GIPR: variants seen among roughly 807,000 people sequenced by gnomAD.
GIPR encodes the protein gastric inhibitory polypeptide receptor.
A neutral mutation model predicts 62.2 loss-of-function variants in GIPR; 74 were observed. That is an observed-to-expected ratio of 1.19 (90% CI 0.99 to 1.44). The LOEUF is 1.44. GIPR is among the 40% of genes most tolerant of loss of function. GIPR has a pLI of 0.00. For missense variants in GIPR, 664 were observed against 611.8 expected (o/e 1.09, Z -0.90); for synonymous variants, 256 against 262.2 (o/e 0.98, Z 0.23).
At position 45,670,621 on chromosome 19, in the gene GIPR, C is replaced by T; in HGVS notation, c.73-14C>T. ...GGTCGGTCTGGGGGGGTCCTCCCTT[C>T]TTTCTTTTCCTAGACAGGCTCTAAG... On this transcript the variant is annotated splice_polypyrimidine_tract_variant and intron_variant, in intron 2 of 13. Transcript: ENST00000590918. 1 of 1,601,842 alleles carries T rather than the reference C, an allele frequency of 6.2e-7. No homozygotes were observed. The highest frequency in any genetic ancestry group is 8.5e-7 in the Non-Finnish European group (1 of 1,170,180).
At position 45,672,834 on chromosome 19, in the gene GIPR, CTCT is replaced by C. The variant is rs777052988; in HGVS notation, c.281-12_281-10del. ...CTTTCTCTGTGTGCCTTAATTCCCT[CTCT>C]TCTTTCCCCACAGTGGCTGCAGGTT... On this transcript the variant is annotated splice_polypyrimidine_tract_variant and intron_variant, in intron 4 of 13. Coordinates refer to ENST00000590918, the MANE Select transcript of GIPR (RefSeq NM_000164.4). 69 of 1,524,384 alleles carry C rather than the reference CTCT, an allele frequency of 4.5e-5. 1 individual carries two copies. The African/African-American group carries it at 9.1e-4, about 20-fold the overall frequency. The allele number at this position is 1,524,384 out of a possible 1,614,324, so 94.4% of individuals were successfully genotyped here.
chr19:45,676,909 C>G (rs532845851), intron 7 of GIPR, 40 bp from the exon 8 acceptor site: 2 of 1,597,296 alleles, frequency 1.3e-6, no homozygotes, highest in East Asian at 4.5e-5. Context: ...GACACCCGGG[C>G]AGCGCTGACT....
Position 45,677,322 on chromosome 19 carries a change from G to C in GIPR, c.794-1G>C, listed in dbSNP as rs1966993489. ...GGGGGGCGGGGTCGGGGTCTGCACA[G>C]GGGCCCCCGCGCTTTTCGTCATTCC... On this transcript the variant is annotated splice_acceptor_variant, in intron 8 of 13. Coordinates refer to ENST00000590918, the MANE Select transcript of GIPR (RefSeq NM_000164.4). LOFTEE classifies it high-confidence loss of function. 3 of 1,580,440 alleles carry C rather than the reference G, an allele frequency of 1.9e-6. No individual in the cohort carries two copies. The East Asian group carries it at 6.8e-5, about 36-fold the overall frequency.
intron 9 of GIPR, 56 bp from the exon 10 acceptor site, chr19:45,677,654 G>T: frequency 7.4e-7 from 1 of 1,359,962 alleles, no homozygotes; most frequent in Admixed American, 1.7e-5. Context: ...AAATGAGCTT[G>T]GTGATCGGTG....
intron 7 of GIPR, 129 bp downstream of exon 7, chr19:45,674,955 A>T: frequency 8.6e-5 from 72 of 835,524 alleles, no homozygotes; most frequent in East Asian, 1.5e-4. Flanking sequence ...CCCTCTCCAA[A>T]TGTGTCTTGG....
rs761754866 is a variant in GIPR at position 45,677,894 on chromosome 19, C to G, written c.925-12C>G. The stretch of plus-strand genomic sequence containing the variant: ...GGATCGCGGCTGGCTCAGCCCTTAT[C>G]TCTCCCCACAGATTAATTTCCTCAT... On this transcript the variant is annotated splice_polypyrimidine_tract_variant and intron_variant, in intron 10 of 13. Coordinates refer to ENST00000590918, the MANE Select transcript of GIPR (RefSeq NM_000164.4). 44 of 1,612,822 alleles carry G rather than the reference C, an allele frequency of 2.7e-5. No homozygotes were observed. The highest frequency in any genetic ancestry group is 3.4e-5 in the Non-Finnish European group (40 of 1,178,938).
At chr19:45,673,218 G>A (rs1223686949) in intron 5 of GIPR, among the ~76,000 whole-genome samples, 3 of 152,104 alleles carry the variant, frequency 2.0e-5, no homozygotes, top group East Asian at 1.9e-4. Context: ...TCAGGAGTTT[G>A]AGACCAGCCT....
Position 45,681,940 on chromosome 19 carries a change from C to A in GIPR, c.*5C>A. The A allele has an allele frequency of 6.4e-7, 1 of 1,555,150 alleles. No individual in the cohort carries two copies. The highest frequency in any genetic ancestry group is 8.7e-7 in the Non-Finnish European group (1 of 1,147,878). On this transcript the variant is annotated 3_prime_UTR_variant, in exon 14 of 14. Transcript: ENST00000590918. ...GAGTTGGAAAGTTACTGCTAGGGGGCGGGATCCCCGTGTCTGTTCAGTTAG... is the reference window on the plus strand; with the variant it reads ...GAGTTGGAAAGTTACTGCTAGGGGGAGGGATCCCCGTGTCTGTTCAGTTAG...
chr19:45,678,203 G>A lies in GIPR; in HGVS notation c.1129G>A (p.Glu377Lys), dbSNP rs1250456462. ...CCTGCGCTTCGCCAAGCTCGGCTTT[G>A]AGATCTTCCTCAGCTCCTTCCAGGT... is the stretch of plus-strand genomic sequence containing the variant. The part of the protein sequence containing the change: ...GALRFAKLGF[E>K]IFLSSFQGFL... Residue 377 changes from glutamate (E) to lysine (K), a missense_variant, in exon 12 of 14, where the codon GAG becomes AAG. Coordinates refer to ENST00000590918, the MANE Select transcript of GIPR (RefSeq NM_000164.4). The A allele has an allele frequency of 5.1e-6, 8 of 1,577,582 alleles. No individual in the cohort carries two copies. The South Asian group carries it at 9.2e-5, about 18-fold the overall frequency.
chr19:45,672,179 A>AT (rs1041310813), intron 4 of GIPR, among the ~76,000 whole-genome samples: 28 of 150,890 alleles, frequency 1.9e-4, no homozygotes, highest in Non-Finnish European at 4.0e-4. Context: ...CACCCAGCTA[A>AT]TTTTTTTTAA....
intron 12 of GIPR, among the ~76,000 whole-genome samples, chr19:45,678,655 G>A (rs901965282): frequency 3.3e-5 from 5 of 152,208 alleles, no homozygotes; most frequent in Non-Finnish European, 7.3e-5. Context: ...GAGCCATGGC[G>A]CCCAGCCCGT....
intron 2 of GIPR, 24 bp from the exon 3 acceptor site, chr19:45,670,611 G>T (rs1024907382): frequency 4.5e-6 from 7 of 1,558,640 alleles, no homozygotes; most frequent in Non-Finnish European, 6.2e-6. Flanking sequence ...GTCTGGGGGG[G>T]TCCTCCCTTC....
At position 45,674,844 on chromosome 19, in the gene GIPR, G is replaced by A. The variant is rs201277089; in HGVS notation, c.633+18G>A. The A allele has an allele frequency of 2.1e-3, 3,306 of 1,612,522 alleles. 7 individuals are homozygous for A. Among genetic ancestry groups the A allele is most frequent in the Admixed American group, 3.4e-3 (205 of 59,974 alleles). On this transcript the variant is annotated intron_variant, in intron 7 of 13. Transcript: ENST00000590918. ...GGAACCAGGTGGGCATCCTCCTTCC[G>A]TTCCTCCAAATGGGAATCTTGCTTC...
chr19:45,672,809 CTT>C (rs777273686), intron 4 of GIPR, 40 bp from the exon 5 acceptor site: 1 of 1,207,394 alleles, frequency 8.3e-7, no homozygotes, highest in South Asian at 1.2e-5. Flanking sequence ...GTATTTATCT[CTT>C]TCTCTGTGTG....
At chr19:45,671,778 C>CT (rs34403425) in intron 4 of GIPR, among the ~76,000 whole-genome samples, 12,101 of 149,318 alleles carry the variant, frequency 0.081, 578 homozygotes, top group Middle Eastern at 0.15. Context: ...CCACACCCGG[C>CT]TTTTTTTTTA....
At position 45,682,489 on chromosome 19, in the gene GIPR, C is replaced by T. The variant is rs1324037311; in HGVS notation, c.*554C>T. On this transcript the variant is annotated 3_prime_UTR_variant, in exon 14 of 14. Coordinates refer to ENST00000590918, the MANE Select transcript of GIPR (RefSeq NM_000164.4). Reference sequence around the variant, plus strand: ...CTCTTACCCAGGTTGGTCTTGAACTCCTGGGCTCAAGCAATCCTCCCACCA... The same window carrying T: ...CTCTTACCCAGGTTGGTCTTGAACTTCTGGGCTCAAGCAATCCTCCCACCA... 1 of 152,530 alleles carries T rather than the reference C, an allele frequency of 6.6e-6. No homozygotes were observed. Among genetic ancestry groups the T allele is most frequent in the African/African-American group, 2.4e-5 (1 of 41,346 alleles). The allele number at this position is 152,530 out of a possible 1,614,324, so 9.4% of individuals were successfully genotyped here.
intron 12 of GIPR, among the ~76,000 whole-genome samples, chr19:45,679,789 G>A (rs1967134276): frequency 6.7e-6 from 1 of 149,866 alleles, no homozygotes; most frequent in African/African-American, 2.4e-5. Context: ...TTTTTTTTGA[G>A]ACAGAGTTTC....
chr19:45,681,292 C>G (rs552059280), intron 12 of GIPR, among the ~76,000 whole-genome samples: 1 of 152,028 alleles, frequency 6.6e-6, no homozygotes, highest in Admixed American at 6.6e-5. Context: ...GTCAGGAGTT[C>G]GAGACCAGTC....
chr19:45,677,414 GAGGT>G, intron 9 of GIPR, 31 bp downstream of exon 9: 1 of 1,115,612 alleles, frequency 9.0e-7, no homozygotes, highest in Non-Finnish European at 1.4e-6. Context: ...CGGGGCGTGG[GAGGT>G]GGGCGGGGCT....
Sources: gnomAD v4.1 joint callset for allele counts (sites outside exome capture counted in the v4.1 genomes callset) on GRCh38, gnomAD v4.1.1 for gene constraint, MANE v1.5 for transcripts, NCBI Gene and HGNC (gene_info 2026-07-23, HGNC 2026-07-21) for gene names.